Variants in CTPS1 observed in about 807,000 individuals in gnomAD.
The protein encoded by CTPS1 is CTP synthetase 1.
In CTPS1, 25 loss-of-function variants were observed where a neutral mutation model predicts 80.5. The ratio of observed to expected loss-of-function variants is 0.31; its 90% CI spans 0.23 to 0.43. The LOEUF is 0.43. Ranked by LOEUF, CTPS1 falls within the 20% of genes least tolerant of loss-of-function variation. The probability of loss-of-function intolerance (pLI) is 1.00; values close to 1 mark genes in which losing one functional copy is unlikely to be tolerated. For synonymous variants in CTPS1, 267 were observed against 252.5 expected (o/e 1.06, Z -0.54); for missense variants, 442 against 725.7 (o/e 0.61, Z 4.49).
At chr1:40,986,807 A>G (rs1642466508) in intron 3 of CTPS1, among the ~76,000 whole-genome samples, 1 of 152,146 alleles carries the variant, frequency 6.6e-6, no homozygotes, top group South Asian at 2.1e-4. Context: ...AGGTGGGGAA[A>G]ACAAGCTTAA....
chr1:40,988,588 T>G lies in CTPS1; in HGVS notation c.439-6T>G, dbSNP rs369112285. 5 of 1,609,238 alleles carry G rather than the reference T, an allele frequency of 3.1e-6. No individual in the cohort carries two copies. In the African/African-American group the frequency reaches 6.7e-5, roughly 22 times the overall value. ...CCTAACCTCTGAAACAACTTTGTTC[T>G]TCTAGCTTGGTGGAACCGTGGGGGA... On this transcript the variant is annotated splice_polypyrimidine_tract_variant and splice_region_variant and intron_variant, in intron 4 of 18. Transcript: ENST00000650070.
chr1:41,007,822 C>A lies in CTPS1; in HGVS notation c.1393+277C>A, dbSNP rs559205935. Among the ~76,000 whole-genome samples, 8 of 152,278 alleles carry A rather than the reference C, an allele frequency of 5.3e-5. No homozygotes were observed. The East Asian group carries it at 1.5e-3, about 29-fold the overall frequency. On this transcript the variant is annotated intron_variant, in intron 14 of 18. Transcript: ENST00000650070. This position sits in a 1 kb window ranked among gnomAD's most constrained non-coding sequence, Gnocchi z 4.4. ...GCAGTGAGGTTACATTCATCCTTAT[C>A]GGTTACTTTCCTATTAAGACCAGCC...
chr1:40,997,317 C>T (rs1283699322), intron 8 of CTPS1, 77 bp from the exon 9 acceptor site: 3 of 1,523,020 alleles, frequency 2.0e-6, no homozygotes, highest in African/African-American at 1.4e-5. Context: ...TTTTTTTTCC[C>T]TTGAAATAGC....
At position 41,007,048 on chromosome 1, in the gene CTPS1, G is replaced by A. The variant is rs184886464; in HGVS notation, c.1297-401G>A. On this transcript the variant is annotated intron_variant, in intron 13 of 18. Transcript: ENST00000650070. This position sits in a 1 kb window ranked among gnomAD's most constrained non-coding sequence, Gnocchi z 4.4. Reference sequence around the variant, plus strand: ...GTCCTCAGATGCTTGCTAAGCTGCAGGGTGCTAGCCCTGCATCCCTTGCCT... The same window carrying A: ...GTCCTCAGATGCTTGCTAAGCTGCAAGGTGCTAGCCCTGCATCCCTTGCCT... Among the ~76,000 whole-genome samples the A allele has an allele frequency of 6.6e-6, 1 of 152,334 alleles. No homozygotes were observed. The highest frequency in any genetic ancestry group is 6.5e-5 in the Admixed American group (1 of 15,308).
chr1:40,992,154 T>C (rs1393185138), intron 7 of CTPS1, among the ~76,000 whole-genome samples: 2 of 152,224 alleles, frequency 1.3e-5, no homozygotes, highest in Admixed American at 6.5e-5. Flanking sequence ...TAAGAACCCA[T>C]GTCCCCCTCT....
intron 17 of CTPS1, among the ~76,000 whole-genome samples, chr1:41,009,887 G>C (rs1643126546): frequency 6.6e-6 from 1 of 152,232 alleles, no homozygotes; most frequent in Non-Finnish European, 1.5e-5. Flanking sequence ...GCCACAATGG[G>C]TAGGTTTATG....
chr1:40,990,869 T>G (rs1299089396), intron 5 of CTPS1, among the ~76,000 whole-genome samples: 1 of 152,108 alleles, frequency 6.6e-6, no homozygotes, highest in Non-Finnish European at 1.5e-5. Flanking sequence ...AGAAAATGCC[T>G]CCAAGTAAAT....
At chr1:40,990,402 T>C (rs778088636) in intron 5 of CTPS1, among the ~76,000 whole-genome samples, 7 of 152,266 alleles carry the variant, frequency 4.6e-5, no homozygotes, top group Non-Finnish European at 8.8e-5. Flanking sequence ...TCTAAAAGGC[T>C]CTGAAGAGAA....
intron 9 of CTPS1, 96 bp downstream of exon 9, chr1:40,997,622 C>T: frequency 7.1e-7 from 1 of 1,401,266 alleles, no homozygotes. Context: ...GTTTGGAGCT[C>T]AGAATTACTT....
At chr1:40,991,351 A>C in intron 6 of CTPS1, 103 bp downstream of exon 6, 1 of 857,472 alleles carries the variant, frequency 1.2e-6, no homozygotes, top group South Asian at 1.8e-5. Flanking sequence ...TGCTTTTGAT[A>C]ATTGATGATG....
At chr1:41,008,951 A>G (rs1382994900) in intron 16 of CTPS1, 61 bp downstream of exon 16, 2 of 1,286,704 alleles carry the variant, frequency 1.6e-6, no homozygotes, top group Non-Finnish European at 2.3e-6. Context: ...GGCATATGGG[A>G]AAATATAAAA....
At chr1:40,993,223 G>C (rs757764004) in intron 7 of CTPS1, among the ~76,000 whole-genome samples, 4 of 151,644 alleles carry the variant, frequency 2.6e-5, no homozygotes, top group Non-Finnish European at 5.9e-5. Flanking sequence ...GCTAATTTTT[G>C]TATTTTTAGT....
chr1:40,983,160 A>G, intron 1 of CTPS1, 118 bp from the exon 2 acceptor site: 2 of 770,298 alleles, frequency 2.6e-6, no homozygotes, highest in Non-Finnish European at 4.1e-6. Context: ...CCTGTGACAG[A>G]GAAACTGAGG....
chr1:41,003,313 G>A (rs1321875319), intron 12 of CTPS1, 137 bp downstream of exon 12: 6 of 868,774 alleles, frequency 6.9e-6, no homozygotes, highest in South Asian at 4.5e-5. Flanking sequence ...TGTGCCGTAA[G>A]GGAGCTGCCT....
At chr1:40,981,863 C>A in intron 1 of CTPS1, 1 of 506,890 alleles carries the variant, frequency 2.0e-6, no homozygotes, top group Non-Finnish European at 2.9e-6. Flanking sequence ...CTTTCTTGCT[C>A]TGGGGAGGGG....
Position 40,983,260 on chromosome 1 carries a change from A to G in CTPS1, c.-13-18A>G, listed in dbSNP as rs1327115285. The G allele has an allele frequency of 1.2e-6, 2 of 1,603,394 alleles. No individual in the cohort carries two copies. Among genetic ancestry groups the G allele is most frequent in the Non-Finnish European group, 8.5e-7 (1 of 1,173,464 alleles). On this transcript the variant is annotated intron_variant, in intron 1 of 18. Coordinates refer to ENST00000650070, the MANE Select transcript of CTPS1 (RefSeq NM_001905.4). ...GTTGAGATACATTTATATCATCTGT[A>G]ATTTTTCCTTCTTCCAGGTCAAAGA...
intron 3 of CTPS1, among the ~76,000 whole-genome samples, chr1:40,985,427 G>A (rs1642427318): frequency 6.6e-6 from 1 of 152,236 alleles, no homozygotes; most frequent in Non-Finnish European, 1.5e-5. Context: ...CCGTTCATCA[G>A]TGCCATATGG....
At chr1:40,981,862 T>C in intron 1 of CTPS1, 1 of 530,278 alleles carries the variant, frequency 1.9e-6, no homozygotes, top group Non-Finnish European at 2.9e-6. Flanking sequence ...TCTTTCTTGC[T>C]CTGGGGAGGG....
chr1:40,995,972 A>C lies in CTPS1; in HGVS notation c.776A>C (p.Glu259Ala). Residue 259 changes from glutamate (E) to alanine (A), a missense_variant, in exon 8 of 19, where the codon GAG becomes GCG. Transcript: ENST00000650070. ...SIYRVPLLLE[E>A]QGVVDYFLRR... The stretch of plus-strand genomic sequence containing the variant: ...TACCGAGTCCCCTTGTTGTTAGAGG[A>C]GCAAGGGGTTGTAGATTATTTTCTT... 1 of 1,614,178 alleles carries C rather than the reference A, an allele frequency of 6.2e-7. No individual in the cohort carries two copies. Among genetic ancestry groups the C allele is most frequent in the Middle Eastern group, 1.6e-4 (1 of 6,062 alleles).
Sources: allele counts gnomAD v4.1 joint callset (sites outside exome capture counted in the v4.1 genomes callset), GRCh38; gene constraint gnomAD v4.1.1; non-coding constraint Gnocchi (gnomAD v3.1); transcripts MANE v1.5; gene names NCBI Gene and HGNC (gene_info 2026-07-23, HGNC 2026-07-21).